GAB2: variants seen among roughly 807,000 people sequenced by gnomAD.
GAB2 encodes GRB2 associated binding protein 2, also known as GRB2-associated-binding protein 2.
GAB2 carries 26 observed loss-of-function variants against 65.5 expected under a neutral mutation model. That is an observed-to-expected ratio of 0.40 (90% CI 0.29 to 0.55). GAB2 has a LOEUF of 0.55. Ranked by LOEUF, GAB2 falls within the 20% of genes least tolerant of loss-of-function variation. The probability of loss-of-function intolerance (pLI) is 0.53; values close to 1 mark genes in which losing one functional copy is unlikely to be tolerated. For synonymous variants in GAB2, 321 were observed against 329.6 expected (o/e 0.97, Z 0.28); for missense variants, 884 against 875.8 (o/e 1.01, Z -0.12).
intron 1 of GAB2, among the ~76,000 whole-genome samples, chr11:78,328,290 C>T (rs1190600745): frequency 6.6e-6 from 1 of 152,170 alleles, no homozygotes; most frequent in East Asian, 1.9e-4. Flanking sequence ...TGCAGTCTTC[C>T]CAATCAGCAG....
At chr11:78,242,363 G>T (rs1865157152) in intron 3 of GAB2, among the ~76,000 whole-genome samples, 1 of 152,158 alleles carries the variant, frequency 6.6e-6, no homozygotes, top group African/African-American at 2.4e-5. Context: ...TTAGCTGGGT[G>T]TGGTGGCGGG....
At chr11:78,255,471 A>G (rs1290385352) in intron 2 of GAB2, among the ~76,000 whole-genome samples, 1 of 152,216 alleles carries the variant, frequency 6.6e-6, no homozygotes, top group Non-Finnish European at 1.5e-5. Flanking sequence ...AGCTAAATTC[A>G]GAGACAACTT....
rs114532695 is a variant in GAB2 at position 78,285,453 on chromosome 11, C to G, written c.76-4552G>C. Among the ~76,000 whole-genome samples the G allele has an allele frequency of 8.6e-3, 1,316 of 152,294 alleles. 19 individuals are homozygous for G. Among genetic ancestry groups the G allele is most frequent in the African/African-American group, 0.03 (1,251 of 41,564 alleles). On this transcript the variant is annotated intron_variant, in intron 1 of 9. Transcript: ENST00000361507. ...AAATTCACACATCCCTCTTCCACCA[C>G]AACACCTTCTCTCCACTTCCAGGTT...
chr11:78,401,841 T>C (rs191048034), intron 1 of GAB2, among the ~76,000 whole-genome samples: 3 of 152,348 alleles, frequency 2.0e-5, no homozygotes, highest in African/African-American at 4.8e-5. Flanking sequence ...GGCCTTGAAC[T>C]GGTTAGAACA....
chr11:78,232,303 C>A (rs1360009581), intron 3 of GAB2, among the ~76,000 whole-genome samples: 1 of 152,186 alleles, frequency 6.6e-6, no homozygotes, highest in African/African-American at 2.4e-5. Flanking sequence ...CTCCTAGTAA[C>A]CCTCACCAGA....
intron 1 of GAB2, among the ~76,000 whole-genome samples, chr11:78,363,761 T>C (rs933787831): frequency 6.6e-6 from 1 of 151,978 alleles, no homozygotes; most frequent in Admixed American, 6.6e-5. Context: ...AATTTTTGTA[T>C]TTTTTGTAGA....
intron 3 of GAB2, among the ~76,000 whole-genome samples, chr11:78,236,421 G>T (rs112334713): frequency 0.019 from 2,942 of 152,170 alleles, 45 homozygotes; most frequent in Non-Finnish European, 0.032. Flanking sequence ...AAAGTGCTGG[G>T]ATTACAGGCA....
At chr11:78,270,336 A>T (rs1217343080) in intron 2 of GAB2, among the ~76,000 whole-genome samples, 1 of 149,790 alleles carries the variant, frequency 6.7e-6, no homozygotes, top group Non-Finnish European at 1.5e-5. Context: ...TCCGTCTTAA[A>T]AAAAAAAAAA....
chr11:78,262,320 T>C (rs1375767913), intron 2 of GAB2, among the ~76,000 whole-genome samples: 4 of 152,226 alleles, frequency 2.6e-5, no homozygotes, highest in Non-Finnish European at 5.9e-5. Context: ...TTCTAATTTG[T>C]AAAATTTATA....
intron 1 of GAB2, among the ~76,000 whole-genome samples, chr11:78,289,090 C>T (rs960791079): frequency 2.0e-5 from 3 of 152,094 alleles, no homozygotes; most frequent in African/African-American, 7.2e-5. Flanking sequence ...TTTTCACAAA[C>T]GTGTAAAAGC....
In GAB2 at chr11:78,217,151, CCT is replaced by C. The variant is rs1481728655; in HGVS notation, c.*2119_*2120del. On this transcript the variant is annotated 3_prime_UTR_variant, in exon 10 of 10. Transcript: ENST00000361507. ...CACCTTCCCTGATCCCCCACTCCTG[CCT>C]CTGACACCAACCTCCCTAAGTACTT... The C allele has an allele frequency of 1.3e-5, 2 of 152,508 alleles. No individual in the cohort carries two copies. Among genetic ancestry groups the C allele is most frequent in the Non-Finnish European group, 1.5e-5 (1 of 68,140 alleles). The allele number at this position is 152,508 out of a possible 1,614,324, so 9.4% of individuals were successfully genotyped here.
chr11:78,261,077 A>ATG (rs113856546), intron 2 of GAB2, among the ~76,000 whole-genome samples: 39,612 of 151,646 alleles, frequency 0.26, 6,234 homozygotes, highest in African/African-American at 0.43. Flanking sequence ...GTATATATAT[A>ATG]TGTGTGTGTG....
In GAB2 at chr11:78,333,247, A is replaced by G. The variant is rs114444717; in HGVS notation, c.76-52346T>C. Among the ~76,000 whole-genome samples, 328 of 152,302 alleles carry G rather than the reference A, an allele frequency of 2.2e-3. 1 individual carries two copies. Among genetic ancestry groups the G allele is most frequent in the African/African-American group, 7.0e-3 (289 of 41,566 alleles). On this transcript the variant is annotated intron_variant, in intron 1 of 9. Coordinates refer to ENST00000361507, the MANE Select transcript of GAB2 (RefSeq NM_080491.3). Reference sequence around the variant, plus strand: ...GATTATAATGAATAATTTGAGTCCAAAGATCTTTTGGTGACTTTTTTTATT... The same window carrying G: ...GATTATAATGAATAATTTGAGTCCAGAGATCTTTTGGTGACTTTTTTTATT...
In GAB2 at chr11:78,409,340, T is replaced by C. The variant is rs560342803; in HGVS notation, c.75+8306A>G. Among the ~76,000 whole-genome samples, 4 of 152,218 alleles carry C rather than the reference T, an allele frequency of 2.6e-5. No individual in the cohort carries two copies. The South Asian group carries it at 8.3e-4, about 32-fold the overall frequency. ...TGGCTCATGTCTGTAATCCCAGCAC[T>C]TTGGGAGGCCGAGGCAGGCGGATGA... On this transcript the variant is annotated intron_variant, in intron 1 of 9. Transcript: ENST00000361507.
At chr11:78,295,854 T>C (rs1438942935) in intron 1 of GAB2, among the ~76,000 whole-genome samples, 1 of 152,274 alleles carries the variant, frequency 6.6e-6, no homozygotes, top group East Asian at 1.9e-4. Context: ...GTGACTCTTG[T>C]TATTTCTGGT....
At chr11:78,237,029 T>A (rs970618267) in intron 3 of GAB2, among the ~76,000 whole-genome samples, 3 of 152,206 alleles carry the variant, frequency 2.0e-5, no homozygotes, top group African/African-American at 4.8e-5. Context: ...CTTTGCCAGA[T>A]TTTGATAGTA....
intron 3 of GAB2, among the ~76,000 whole-genome samples, chr11:78,233,945 T>G (rs1370280658): frequency 1.3e-5 from 2 of 152,240 alleles, no homozygotes; most frequent in Admixed American, 6.5e-5. Context: ...CTTGAAGAAC[T>G]AGTTTTAATT....
chr11:78,376,128 G>A (rs781151531), intron 1 of GAB2, among the ~76,000 whole-genome samples: 2 of 152,208 alleles, frequency 1.3e-5, no homozygotes, highest in South Asian at 2.1e-4. Context: ...CAGGGAGACT[G>A]TTTCTTCCTT....
rs757704420 is a variant in GAB2 at position 78,370,941 on chromosome 11, GGA to G, written c.75+46703_75+46704del. Among the ~76,000 whole-genome samples, 7 of 152,278 alleles carry G rather than the reference GGA, an allele frequency of 4.6e-5. No individual in the cohort carries two copies. In the East Asian group the frequency reaches 1.2e-3, roughly 25 times the overall value. Reference sequence around the variant, plus strand: ...CCCACGTTTGAACTTGAAAGTGGTAGGAGAGGCCAGGGTCTGGCCAAATGGGG... The same window carrying G: ...CCCACGTTTGAACTTGAAAGTGGTAGGAGGCCAGGGTCTGGCCAAATGGGG... On this transcript the variant is annotated intron_variant, in intron 1 of 9. Transcript: ENST00000361507.
Sources: allele counts gnomAD v4.1 joint callset (sites outside exome capture counted in the v4.1 genomes callset), GRCh38; gene constraint gnomAD v4.1.1; transcripts MANE v1.5; gene names NCBI Gene and HGNC (gene_info 2026-07-23, HGNC 2026-07-21).